Variants in PCDH7 observed in about 807,000 individuals in gnomAD.
PCDH7 encodes the protein protocadherin-7.
Under a neutral mutation model 58.9 loss-of-function variants are expected in PCDH7, and 17 were observed. That is an observed-to-expected ratio of 0.29 (90% CI 0.20 to 0.43). The LOEUF is 0.43. Among genes scored for constraint, PCDH7 ranks in the 20% least tolerant of loss-of-function variants. PCDH7 has a pLI of 1.00. For missense variants in PCDH7, 1,274 were observed against 1,441.0 expected, an observed-to-expected ratio of 0.88 and a Z score of 1.88; for synonymous variants, 664 against 616.4, an observed-to-expected ratio of 1.08 and a Z score of -1.14.
chr4:30,831,199 T>A (rs562273547), intron 1 of PCDH7, among the ~76,000 whole-genome samples: 1 of 152,096 alleles, frequency 6.6e-6, no homozygotes, highest in Non-Finnish European at 1.5e-5. Context: ...ACAGAATTTG[T>A]CCCTCATACG....
At chr4:30,984,302 C>A (rs1322727124) in intron 3 of PCDH7, among the ~76,000 whole-genome samples, 3 of 152,166 alleles carry the variant, frequency 2.0e-5, no homozygotes, top group Non-Finnish European at 4.4e-5. Flanking sequence ...GCCTGGCCTT[C>A]ATTTCTCATC....
At chr4:30,782,380 A>G (rs1722916712) in intron 1 of PCDH7, among the ~76,000 whole-genome samples, 1 of 152,218 alleles carries the variant, frequency 6.6e-6, no homozygotes, top group Admixed American at 6.5e-5. Context: ...GTGTGATTTT[A>G]CATAAGCAGA....
At chr4:30,752,975 G>A (rs1718771725) in intron 1 of PCDH7, among the ~76,000 whole-genome samples, 3 of 152,010 alleles carry the variant, frequency 2.0e-5, no homozygotes, top group African/African-American at 2.4e-5. Context: ...ACTTCAACAC[G>A]GAAGCATTTG....
chr4:31,053,454 A>G (rs1214876961), intron 3 of PCDH7, among the ~76,000 whole-genome samples: 1 of 152,128 alleles, frequency 6.6e-6, no homozygotes, highest in Non-Finnish European at 1.5e-5. Flanking sequence ...CTCAGTTTCA[A>G]TAAGATGTCC....
chr4:30,930,985 A>C (rs1744505961), intron 2 of PCDH7, among the ~76,000 whole-genome samples: 1 of 152,148 alleles, frequency 6.6e-6, no homozygotes, highest in Non-Finnish European at 1.5e-5. Flanking sequence ...AACTGAAACA[A>C]ACAAAATATG....
At chr4:30,895,421 G>A (rs1173900661) in intron 1 of PCDH7, among the ~76,000 whole-genome samples, 1 of 152,166 alleles carries the variant, frequency 6.6e-6, no homozygotes, top group Admixed American at 6.5e-5. Context: ...CTTCTGAGCA[G>A]TGTGGCTATA....
chr4:31,067,938 C>T (rs983363613), intron 3 of PCDH7, among the ~76,000 whole-genome samples: 7 of 151,838 alleles, frequency 4.6e-5, no homozygotes, highest in African/African-American at 1.7e-4. Flanking sequence ...TCATTCATAC[C>T]AAAAGATACT....
downstream of PCDH7, among the ~76,000 whole-genome samples, chr4:30,733,605 T>A (rs1715831428): frequency 6.6e-6 from 1 of 152,180 alleles, no homozygotes; most frequent in Non-Finnish European, 1.5e-5. Flanking sequence ...AAATGATAGT[T>A]TATATTTGTA....
chr4:30,815,454 C>T (rs1056742823), intron 1 of PCDH7, among the ~76,000 whole-genome samples: 1 of 152,198 alleles, frequency 6.6e-6, no homozygotes, highest in Non-Finnish European at 1.5e-5. Flanking sequence ...CCATCCGACC[C>T]AACCCTTGAC....
chr4:30,769,218 A>G (rs933891861), intron 1 of PCDH7, among the ~76,000 whole-genome samples: 2 of 152,214 alleles, frequency 1.3e-5, no homozygotes, highest in African/African-American at 4.8e-5. Flanking sequence ...GACTGTAGGC[A>G]CCAGGACTTC....
chr4:30,995,407 G>A (rs1751803204), intron 3 of PCDH7, among the ~76,000 whole-genome samples: 2 of 152,156 alleles, frequency 1.3e-5, no homozygotes, highest in South Asian at 2.1e-4. Flanking sequence ...AGCTACTCGG[G>A]AGGCTCACGC....
intron 1 of PCDH7, among the ~76,000 whole-genome samples, chr4:30,849,896 G>T (rs571870978): frequency 2.0e-5 from 3 of 151,924 alleles, no homozygotes; most frequent in Admixed American, 6.6e-5. Flanking sequence ...TTCTAGCTTC[G>T]GGTCAAAATT....
At chr4:30,915,829 C>CT (rs923542444) in intron 1 of PCDH7, among the ~76,000 whole-genome samples, 3 of 152,020 alleles carry the variant, frequency 2.0e-5, no homozygotes, top group African/African-American at 4.8e-5. Flanking sequence ...GGCCCTCACC[C>CT]TTTTTTTCAA....
chr4:30,805,885 A>G (rs1041356248), intron 1 of PCDH7, among the ~76,000 whole-genome samples: 9 of 152,220 alleles, frequency 5.9e-5, no homozygotes, highest in Admixed American at 5.9e-4. Flanking sequence ...ACTTCTCTAA[A>G]GTGTAAATGC....
chr4:30,993,126 C>T (rs71602676), intron 3 of PCDH7, among the ~76,000 whole-genome samples: 26,104 of 152,046 alleles, frequency 0.17, 2,814 homozygotes, highest in South Asian at 0.27. Context: ...ATAGACAACC[C>T]TCAGAGAGCA....
chr4:30,964,869 G>A (rs964968632), intron 3 of PCDH7, among the ~76,000 whole-genome samples: 9 of 151,948 alleles, frequency 5.9e-5, no homozygotes, highest in African/African-American at 1.7e-4. Flanking sequence ...CTTAATTTTG[G>A]TGAATAGAGA....
At chr4:30,877,503 A>T (rs896265519) in intron 1 of PCDH7, among the ~76,000 whole-genome samples, 1 of 152,256 alleles carries the variant, frequency 6.6e-6, no homozygotes, top group Admixed American at 6.5e-5. Context: ...ATAAAATAAA[A>T]TACGGTTTGA....
intron 1 of PCDH7, among the ~76,000 whole-genome samples, chr4:30,881,827 A>G (rs1737009532): frequency 6.6e-6 from 1 of 152,124 alleles, no homozygotes; most frequent in Non-Finnish European, 1.5e-5. Flanking sequence ...CCTTGAATTG[A>G]TGGGTTTGGA....
At chr4:31,094,488 A>G (rs1422271837) in intron 3 of PCDH7, among the ~76,000 whole-genome samples, 1 of 152,178 alleles carries the variant, frequency 6.6e-6, no homozygotes, top group Non-Finnish European at 1.5e-5. Context: ...GTAAGGAGAA[A>G]TGTTTTATTT....
Sources: gnomAD v4.1 joint callset for allele counts (sites outside exome capture counted in the v4.1 genomes callset) on GRCh38, gnomAD v4.1.1 for gene constraint, MANE v1.5 for transcripts, NCBI Gene and HGNC (gene_info 2026-07-23, HGNC 2026-07-21) for gene names.